The following PHC2 variants were observed in gnomAD, a reference collection of about 807,000 sequenced individuals.
The protein encoded by PHC2 is polyhomeotic-like protein 2.
In PHC2, 29 loss-of-function variants were observed where a neutral mutation model predicts 87.4. The ratio of observed to expected loss-of-function variants is 0.33; its 90% confidence interval spans 0.25 to 0.45. PHC2 has a LOEUF of 0.45. Ranked by LOEUF, PHC2 falls within the 20% of genes least tolerant of loss-of-function variation. The pLI, the probability that PHC2 is intolerant of heterozygous loss-of-function variation, is 1.00. For synonymous variants in PHC2, 438 were observed against 461.7 expected, an observed-to-expected ratio of 0.95 and a Z score of 0.66; for missense variants, 857 against 1,136.7, an observed-to-expected ratio of 0.75 and a Z score of 3.54.
chr1:33,370,030 A>T (rs1176496653), intron 5 of PHC2, among the ~76,000 whole-genome samples: 1 of 152,242 alleles, frequency 6.6e-6, no homozygotes, highest in East Asian at 1.9e-4. Context: ...AGTCCTTGTA[A>T]GGATGGTGGG....
intron 4 of PHC2, among the ~76,000 whole-genome samples, chr1:33,370,815 G>A (rs1285390011): frequency 1.3e-5 from 2 of 152,276 alleles, no homozygotes; most frequent in East Asian, 3.9e-4. Context: ...TCCACAGAGA[G>A]CCCTGACACT....
chr1:33,378,026 G>A (rs1313476744), intron 1 of PHC2, among the ~76,000 whole-genome samples: 1 of 152,198 alleles, frequency 6.6e-6, no homozygotes, highest in African/African-American at 2.4e-5. Flanking sequence ...ATGTTCATAT[G>A]TCTGCTTTTA....
chr1:33,349,930 T>G lies in PHC2; in HGVS notation c.1558+4471A>C. On this transcript the variant is annotated intron_variant, in intron 9 of 14. Coordinates refer to ENST00000683057, the MANE Select transcript of PHC2 (RefSeq NM_001385109.1). This position sits in a 1 kb window ranked among gnomAD's most constrained non-coding sequence, Gnocchi z 4.2. The stretch of plus-strand genomic sequence containing the variant: ...GTCTGGGACGGCTCCCGCGGCCGCC[T>G]CCGCCGGGGGCGGGGCGAGGGAGCG... 3.3e-6 allele frequency: 2 copies of G among 598,876 alleles called. No homozygotes were observed. Among genetic ancestry groups the G allele is most frequent in the Non-Finnish European group, 4.1e-6 (2 of 486,134 alleles). 37.1% of individuals were successfully genotyped at this position (598,876 alleles called of 1,614,324 possible). A position where few individuals can be genotyped will look rare whatever the true frequency, so the allele number is the denominator to read the frequency against.
chr1:33,364,003 C>G lies in PHC2; in HGVS notation c.976+3113G>C. 4 of 555,612 alleles carry G rather than the reference C, an allele frequency of 7.2e-6. No homozygotes were observed. Among genetic ancestry groups the G allele is most frequent in the East Asian group, 1.5e-4 (1 of 6,808 alleles). 34.4% of individuals were successfully genotyped at this position (555,612 alleles called of 1,614,324 possible). On this transcript the variant is annotated intron_variant, in intron 7 of 14. Coordinates refer to ENST00000683057, the MANE Select transcript of PHC2 (RefSeq NM_001385109.1). The surrounding 1 kb of genome is among the most constrained non-coding windows in gnomAD (Gnocchi z 4.1). ...TTCTCCGCCCCTTACTCCCCTCCCC[C>G]ACCTGCTCCCCCACCCCTATTCTCG...
chr1:33,397,905 C>T (rs1318111881), intron 1 of PHC2, among the ~76,000 whole-genome samples: 3 of 152,022 alleles, frequency 2.0e-5, no homozygotes, highest in South Asian at 2.1e-4. Flanking sequence ...TGATGCCTCC[C>T]GGGGAGTAGG....
chr1:33,368,668 C>T lies in PHC2; in HGVS notation c.577-46G>A. On this transcript the variant is annotated intron_variant, in intron 5 of 14. Transcript: ENST00000683057. The surrounding 1 kb of genome is among the most constrained non-coding windows in gnomAD (Gnocchi z 6.6). The stretch of plus-strand genomic sequence containing the variant: ...TGCCGCCTAGGCTCCTAGCTACCTG[C>T]ACCAGGTTACCTGGCTGGGCCTGGA... 23 of 1,392,360 alleles carry T rather than the reference C, an allele frequency of 1.7e-5. No homozygotes were observed. The highest frequency in any genetic ancestry group is 2.1e-5 in the Non-Finnish European group (21 of 1,001,618). 86.3% of individuals were successfully genotyped at this position (1,392,360 alleles called of 1,614,324 possible).
chr1:33,355,376 ATC>A, intron 7 of PHC2, 123 bp from the exon 8 acceptor site: 1 of 838,992 alleles, frequency 1.2e-6, no homozygotes, highest in Non-Finnish European at 1.8e-6. Flanking sequence ...TCTTGTTTTC[ATC>A]TCTTTCATTT....
At chr1:33,388,495 T>C (rs1648879416) in intron 1 of PHC2, among the ~76,000 whole-genome samples, 1 of 152,050 alleles carries the variant, frequency 6.6e-6, no homozygotes, top group Admixed American at 6.5e-5. Flanking sequence ...AGCTAATTTT[T>C]TGTATTTTTA....
At position 33,368,455 on chromosome 1, in the gene PHC2, T is replaced by C. The variant is rs1476818592; in HGVS notation, c.663+81A>G. ...TGCTTTCCTAGCTGATCCCGGCCTC[T>C]CCTTGTGCCCCTCCCCAGTATCAGT... On this transcript the variant is annotated intron_variant, in intron 6 of 14. Transcript: ENST00000683057. This position sits in a 1 kb window ranked among gnomAD's most constrained non-coding sequence, Gnocchi z 6.6. 6 of 735,090 alleles carry C rather than the reference T, an allele frequency of 8.2e-6. No individual in the cohort carries two copies. The highest frequency in any genetic ancestry group is 1.3e-5 in the Non-Finnish European group (6 of 453,118). 45.5% of individuals were successfully genotyped at this position (735,090 alleles called of 1,614,324 possible).
At chr1:33,342,283 T>C (rs576910524) in intron 9 of PHC2, among the ~76,000 whole-genome samples, 1 of 152,340 alleles carries the variant, frequency 6.6e-6, no homozygotes, top group East Asian at 1.9e-4. Context: ...GCATCTGTGT[T>C]GACCAGCTCC....
rs1349411236 is a variant in PHC2 at position 33,328,992 on chromosome 1, C to T, written c.2303G>A (p.Arg768Gln). ...ATGCATGTCGGGGAGCTCCAGGTCCCGCTGGCCTTGTCGCCGGCGGGAAGT... is the reference window on the plus strand; with the variant it reads ...ATGCATGTCGGGGAGCTCCAGGTCCTGCTGGCCTTGTCGCCGGCGGGAAGT... ...SSTSRRRQGQRDLELPDMHMR... is the reference protein window; with the variant it reads ...SSTSRRRQGQQDLELPDMHMR... Residue 768 changes from arginine to glutamine, a missense_variant, in exon 14 of 15, where the codon CGG becomes CAG. Arg to Gln is a conservative substitution (Grantham distance 43, BLOSUM62 1). This residue lies in a region of PHC2 where 832 missense variants were observed against 1,081.8 expected (regional missense o/e 0.77). Coordinates refer to ENST00000683057, the MANE Select transcript of PHC2 (RefSeq NM_001385109.1). 1.2e-5 allele frequency: 19 copies of T among 1,614,084 alleles called. No homozygotes were observed. In the Admixed American group the frequency reaches 2.0e-4, roughly 17 times the overall value.
chr1:33,335,770 C>T (rs1026781362), intron 9 of PHC2, among the ~76,000 whole-genome samples: 6 of 151,776 alleles, frequency 4.0e-5, no homozygotes, highest in Admixed American at 2.6e-4. Context: ...CATGGTGGTG[C>T]GTGCCTGTAA....
At chr1:33,384,783 A>G (rs1387740271) in intron 1 of PHC2, among the ~76,000 whole-genome samples, 6 of 152,180 alleles carry the variant, frequency 3.9e-5, no homozygotes, top group African/African-American at 1.4e-4. Context: ...GCATAGCAGG[A>G]CAGCTGATTT....
intron 1 of PHC2, among the ~76,000 whole-genome samples, chr1:33,381,797 A>C (rs1040508022): frequency 6.6e-6 from 1 of 151,948 alleles, no homozygotes; most frequent in African/African-American, 2.4e-5. Context: ...TACTTACAAA[A>C]TATTCTATGT....
At chr1:33,419,754 C>T (rs1321790861) in intron 1 of PHC2, among the ~76,000 whole-genome samples, 2 of 152,148 alleles carry the variant, frequency 1.3e-5, no homozygotes, top group Non-Finnish European at 2.9e-5. Context: ...GGACTATAGG[C>T]GCCCGCTACC....
intron 1 of PHC2, among the ~76,000 whole-genome samples, chr1:33,389,688 C>T (rs1648951692): frequency 1.3e-5 from 2 of 152,160 alleles, no homozygotes; most frequent in African/African-American, 4.8e-5. Context: ...TCCTTTCTAG[C>T]AGAAACATAG....
At chr1:33,377,339 C>G (rs559448172) in intron 1 of PHC2, among the ~76,000 whole-genome samples, 1 of 152,286 alleles carries the variant, frequency 6.6e-6, no homozygotes, top group South Asian at 2.1e-4. Context: ...TCTCCTAAGA[C>G]AGAAATGGCA....
chr1:33,355,895 G>A (rs1256223416), intron 7 of PHC2, among the ~76,000 whole-genome samples: 2 of 152,204 alleles, frequency 1.3e-5, no homozygotes, highest in Admixed American at 1.3e-4. Context: ...TACAGAAGTT[G>A]CTAAAAGGAT....
intron 1 of PHC2, among the ~76,000 whole-genome samples, chr1:33,390,392 C>T (rs74479072): frequency 0.023 from 3,434 of 152,220 alleles, 55 homozygotes; most frequent in Middle Eastern, 0.054. Context: ...TCCATTAGTA[C>T]GAACTTCTGG....
Sources: allele counts gnomAD v4.1 joint callset (sites outside exome capture counted in the v4.1 genomes callset), GRCh38; gene constraint gnomAD v4.1.1; regional missense constraint gnomAD v4.1.1; non-coding constraint Gnocchi (gnomAD v3.1); transcripts MANE v1.5; gene names NCBI Gene and HGNC (gene_info 2026-07-23, HGNC 2026-07-21).